Variants in UFL1 observed in about 807,000 individuals in gnomAD.
UFL1 encodes UFM1 specific ligase 1, also known as E3 UFM1-protein ligase 1.
In UFL1, 78 loss-of-function variants were observed where a neutral mutation model predicts 99.3. The observed-to-expected ratio is 0.79, with a 90% CI of 0.65 to 0.95. UFL1 has a LOEUF of 0.95. Ranked by LOEUF, UFL1 falls within the 40% of genes least tolerant of loss-of-function variation. UFL1 has a pLI of 0.00. For synonymous variants in UFL1, 335 were observed against 322.2 expected (o/e 1.04, Z -0.42); for missense variants, 936 against 937.0 (o/e 1.00, Z 0.01).
chr6:96,530,425 A>C (rs1024766778), intron 6 of UFL1, among the ~76,000 whole-genome samples: 3 of 152,170 alleles, frequency 2.0e-5, no homozygotes, highest in Non-Finnish European at 2.9e-5. Context: ...CCTAATAGAG[A>C]TACCAGCTAG....
intron 7 of UFL1, 141 bp downstream of exon 7, chr6:96,534,462 C>T (rs934858055): frequency 1.5e-6 from 1 of 647,012 alleles, no homozygotes; most frequent in Non-Finnish European, 2.4e-6. Flanking sequence ...TTCTTTGTAT[C>T]AAGTTTTATA....
rs1216158427 is a variant in UFL1, at chr6:96,537,665, C to G, written c.978+116C>G. ...GTGGTCTTGGCTTTGGAGGCAAATT[C>G]TAATCATTGTTATAACAAAAATAAT... On this transcript the variant is annotated intron_variant, in intron 9 of 18. Transcript: ENST00000369278. 3 of 987,968 alleles carry G rather than the reference C, an allele frequency of 3.0e-6. No homozygotes were observed. In the African/African-American group the frequency reaches 5.2e-5, roughly 17 times the overall value. 61.2% of individuals were successfully genotyped at this position (987,968 alleles called of 1,614,324 possible).
chr6:96,549,282 A>G (rs1770042195), intron 13 of UFL1, 130 bp from the exon 14 acceptor site: 2 of 690,326 alleles, frequency 2.9e-6, no homozygotes, highest in Admixed American at 3.8e-5. Flanking sequence ...CTTGTCTCCA[A>G]ATTAATTTTA....
In UFL1 at chr6:96,551,326, A is replaced by G. The variant is rs1361742796; in HGVS notation, c.1819-107A>G. Reference sequence around the variant, plus strand: ...AATTTGAGATCTAAAATTCAAGAATATGGTAAATTCCACTCAGGAACTTGT... The same window carrying G: ...AATTTGAGATCTAAAATTCAAGAATGTGGTAAATTCCACTCAGGAACTTGT... On this transcript the variant is annotated intron_variant, in intron 15 of 18. Coordinates refer to ENST00000369278, the MANE Select transcript of UFL1 (RefSeq NM_015323.5). 12 of 642,882 alleles carry G rather than the reference A, an allele frequency of 1.9e-5. No homozygotes were observed. In the Admixed American group the frequency reaches 3.3e-4, roughly 18 times the overall value. The allele number at this position is 642,882 out of a possible 1,614,324, so 39.8% of individuals were successfully genotyped here.
chr6:96,549,972 G>A (rs2127953448), intron 15 of UFL1, among the ~76,000 whole-genome samples, 173 bp downstream of exon 15: 1 of 151,896 alleles, frequency 6.6e-6, no homozygotes, highest in East Asian at 1.9e-4. Context: ...GTTGCTAGCA[G>A]GATTGGTAGT....
At chr6:96,537,143 C>G (rs905103221) in intron 8 of UFL1, among the ~76,000 whole-genome samples, 1 of 151,554 alleles carries the variant, frequency 6.6e-6, no homozygotes, top group Non-Finnish European at 1.5e-5. Context: ...TTTTTCCTTA[C>G]GTTTTCTTGA....
At chr6:96,549,844 C>G (rs761193520) in intron 15 of UFL1, 45 bp downstream of exon 15, 1 of 1,581,670 alleles carries the variant, frequency 6.3e-7, no homozygotes, top group Non-Finnish European at 8.6e-7. Flanking sequence ...TTCTGTTTTG[C>G]ATCTATACAC....
chr6:96,552,497 A>G lies in UFL1; in HGVS notation c.2001A>G (p.Gln667=). The change falls in exon 18 of 19, where the codon CAA becomes CAG. Residue 667 remains glutamine, a synonymous_variant. Coordinates refer to ENST00000369278, the MANE Select transcript of UFL1 (RefSeq NM_015323.5). ...DKKRERQILF[Q]HRQALAEQLK... ...TTTTTTTTAGACAGATACTGTTCCA[A>G]CATCGACAAGCACTGGCTGAACAGC... is the stretch of plus-strand genomic sequence containing the variant. 6.3e-7 allele frequency: 1 copy of G among 1,582,344 alleles called. No homozygotes were observed. The highest frequency in any genetic ancestry group is 2.3e-5 in the East Asian group (1 of 44,002).
At position 96,553,681 on chromosome 6, in the gene UFL1, T is replaced by G; in HGVS notation, c.*178T>G. ...ATGTAAATCTTAAAAAGATGTGAAT[T>G]TTTGTAAATTGGGTTCTTCATGGAA... On this transcript the variant is annotated 3_prime_UTR_variant, in exon 19 of 19. Coordinates refer to ENST00000369278, the MANE Select transcript of UFL1 (RefSeq NM_015323.5). The G allele has an allele frequency of 2.2e-6, 1 of 448,798 alleles. No individual in the cohort carries two copies. 27.8% of individuals were successfully genotyped at this position (448,798 alleles called of 1,614,324 possible).
intron 12 of UFL1, among the ~76,000 whole-genome samples, chr6:96,544,602 C>A (rs528441835): frequency 6.6e-6 from 1 of 150,872 alleles, no homozygotes; most frequent in South Asian, 2.1e-4. Context: ...GTAGAAATAA[C>A]TACTGTTCTT....
intron 7 of UFL1, among the ~76,000 whole-genome samples, chr6:96,534,940 A>T (rs902046600): frequency 6.6e-6 from 1 of 151,984 alleles, no homozygotes; most frequent in Admixed American, 6.6e-5. Context: ...TGAACCAAAA[A>T]TTAATTTTCA....
chr6:96,529,958 T>G (rs146200737), intron 6 of UFL1, among the ~76,000 whole-genome samples: 2 of 152,314 alleles, frequency 1.3e-5, no homozygotes, highest in East Asian at 3.9e-4. Flanking sequence ...TACTTTAATC[T>G]GTATTTCCTA....
chr6:96,547,386 C>A (rs970396010), intron 12 of UFL1, among the ~76,000 whole-genome samples: 5 of 151,566 alleles, frequency 3.3e-5, no homozygotes, highest in Non-Finnish European at 7.4e-5. Flanking sequence ...TAAATTAGTT[C>A]AACCTCTATG....
chr6:96,550,170 A>G (rs1770057780), intron 15 of UFL1, among the ~76,000 whole-genome samples: 1 of 151,864 alleles, frequency 6.6e-6, no homozygotes, highest in African/African-American at 2.4e-5. Context: ...AATTCCAATT[A>G]ATTTTTTAAA....
At chr6:96,546,620 A>G (rs1056651690) in intron 12 of UFL1, among the ~76,000 whole-genome samples, 3 of 151,684 alleles carry the variant, frequency 2.0e-5, no homozygotes, top group African/African-American at 7.2e-5. Context: ...AAATTATACT[A>G]CAAGGCTATA....
rs1021589921 is a variant in UFL1 at position 96,536,550 on chromosome 6, A to G, written c.802+160A>G. Among the ~76,000 whole-genome samples, 8 of 151,838 alleles carry G rather than the reference A, an allele frequency of 5.3e-5. 1 individual carries two copies. Among genetic ancestry groups the G allele is most frequent in the Admixed American group, 4.6e-4 (7 of 15,214 alleles). Reference sequence around the variant, plus strand: ...AATGGGAACCCTAGAGTTTACATATACTGTCCTCTCTGATCAGAAGATTAT... The same window carrying G: ...AATGGGAACCCTAGAGTTTACATATGCTGTCCTCTCTGATCAGAAGATTAT... On this transcript the variant is annotated intron_variant, in intron 8 of 18. Coordinates refer to ENST00000369278, the MANE Select transcript of UFL1 (RefSeq NM_015323.5).
intron 6 of UFL1, among the ~76,000 whole-genome samples, chr6:96,531,256 T>TA (rs1435818434): frequency 4.6e-5 from 7 of 152,184 alleles, no homozygotes; most frequent in African/African-American, 1.4e-4. Context: ...CACATGTACA[T>TA]ACACCCCTCT....
At chr6:96,524,462 C>T (rs1410563924) in intron 3 of UFL1, 52 bp downstream of exon 3, 3 of 1,409,258 alleles carry the variant, frequency 2.1e-6, no homozygotes, top group Non-Finnish European at 2.9e-6. Flanking sequence ...TTTTTTGATA[C>T]TGTGAATTTG....
intron 2 of UFL1, 47 bp downstream of exon 2, chr6:96,523,338 G>T: frequency 6.6e-7 from 1 of 1,515,886 alleles, no homozygotes; most frequent in Non-Finnish European, 8.8e-7. Flanking sequence ...TTTTGGAAGG[G>T]GCAAAACAAA....
Sources: gnomAD v4.1 joint callset for allele counts (sites outside exome capture counted in the v4.1 genomes callset) on GRCh38, gnomAD v4.1.1 for gene constraint, MANE v1.5 for transcripts, NCBI Gene and HGNC (gene_info 2026-07-23, HGNC 2026-07-21) for gene names.